The following FOXP2 variants were observed in gnomAD, a reference collection of about 807,000 sequenced individuals.
FOXP2 encodes forkhead box P2, also known as forkhead box protein P2.
In FOXP2, 12 loss-of-function variants were observed where a neutral mutation model predicts 115.8. The ratio of observed to expected loss-of-function variants is 0.10; its 90% confidence interval spans 0.07 to 0.17. The LOEUF is 0.17. Ranked by LOEUF, FOXP2 falls within the 10% of genes least tolerant of loss-of-function variation. FOXP2 has a pLI of 1.00. For missense variants in FOXP2, 629 were observed against 843.5 expected (o/e 0.75, Z 3.15); for synonymous variants, 328 against 297.7 (o/e 1.10, Z -1.05).
chr7:114,668,227 T>C (rs1371569076), intron 16 of FOXP2: 1 of 152,120 alleles, frequency 6.6e-6, no homozygotes, highest in Non-Finnish European at 1.5e-5. Flanking sequence ...TATGAATATA[T>C]ACCTGAGGTT....
chr7:114,532,593 T>G (rs1799192444), intron 2 of FOXP2, among the ~76,000 whole-genome samples: 1 of 151,890 alleles, frequency 6.6e-6, no homozygotes, highest in Admixed American at 6.6e-5. Flanking sequence ...TGTGCTAGAA[T>G]AAGGAGGTCA....
chr7:114,568,707 T>C (rs1801143104), intron 3 of FOXP2, among the ~76,000 whole-genome samples: 1 of 151,926 alleles, frequency 6.6e-6, no homozygotes, highest in Non-Finnish European at 1.5e-5. Context: ...TTTTGGCACC[T>C]GTATCCCTTA....
intron 2 of FOXP2, among the ~76,000 whole-genome samples, chr7:114,408,815 A>G (rs1339202612): frequency 6.6e-6 from 1 of 152,136 alleles, no homozygotes; most frequent in Non-Finnish European, 1.5e-5. Context: ...ATCATATTTT[A>G]AAGAAAGTAC....
chr7:114,138,881 G>GA (rs1792122393), intron 1 of FOXP2, among the ~76,000 whole-genome samples: 1 of 152,072 alleles, frequency 6.6e-6, no homozygotes, highest in Non-Finnish European at 1.5e-5. Flanking sequence ...TCTTGGAACA[G>GA]AAAAAGGGAC....
At chr7:114,430,909 C>T (rs1298235557) in intron 2 of FOXP2, among the ~76,000 whole-genome samples, 4 of 151,800 alleles carry the variant, frequency 2.6e-5, no homozygotes, top group Non-Finnish European at 5.9e-5. Flanking sequence ...GTAAAAGATC[C>T]ACAACAAAAT....
rs1339749972 is a variant in FOXP2 at position 114,434,407 on chromosome 7, G to A, written c.168+7728G>A. On this transcript the variant is annotated intron_variant, in intron 2 of 16. Transcript: ENST00000350908. Reference sequence around the variant, plus strand: ...TTTCAATAGTCCATTCATAATTTTAGTATATTTCTGACCTCACGGTTTAAT... The same window carrying A: ...TTTCAATAGTCCATTCATAATTTTAATATATTTCTGACCTCACGGTTTAAT... Among the ~76,000 whole-genome samples, 3 of 127,410 alleles carry A rather than the reference G, an allele frequency of 2.4e-5. No homozygotes were observed. The East Asian group carries it at 8.1e-4, about 34-fold the overall frequency. 83.6% of individuals were successfully genotyped at this position (127,410 alleles called of 152,430 possible).
At chr7:114,333,882 C>A (rs1344076591) in intron 2 of FOXP2, among the ~76,000 whole-genome samples, 2 of 147,862 alleles carry the variant, frequency 1.4e-5, no homozygotes, top group Admixed American at 7.0e-5. Flanking sequence ...AGTGAGACTC[C>A]ATCTCAATTA....
chr7:114,607,925 T>G (rs1440570055), intron 3 of FOXP2, among the ~76,000 whole-genome samples: 1 of 152,218 alleles, frequency 6.6e-6, no homozygotes, highest in East Asian at 1.9e-4. Flanking sequence ...CAATTTTTTA[T>G]CAATTATACA....
At position 114,127,091 on chromosome 7, in the gene FOXP2, G is replaced by A. The variant is rs138648648; in HGVS notation, c.-246-35853G>A. Among the ~76,000 whole-genome samples, 15 of 152,210 alleles carry A rather than the reference G, an allele frequency of 9.9e-5. No homozygotes were observed. The East Asian group carries it at 1.4e-3, about 14-fold the overall frequency. On this transcript the variant is annotated intron_variant, in intron 1 of 19. Coordinates refer to the FOXP2 transcript ENST00000635638. ...AAGACCTGTTTCATTCCAATCTCAC[G>A]TCGTTGTTGGCTGGATCCATTTCCT...
At chr7:114,628,920 A>C (rs1804741694) in intron 4 of FOXP2, 2 of 482,692 alleles carry the variant, frequency 4.1e-6, no homozygotes, top group South Asian at 4.5e-5. Flanking sequence ...TGAAAATGGA[A>C]TGAGCCAATA....
chr7:114,311,885 A>T (rs1438340066), intron 2 of FOXP2, among the ~76,000 whole-genome samples: 2 of 151,864 alleles, frequency 1.3e-5, no homozygotes, highest in Non-Finnish European at 2.9e-5. Context: ...GGGCCCTGGA[A>T]CCTCTTTTGT....
chr7:114,678,123 T>G (rs1807875185), intron 16 of FOXP2, among the ~76,000 whole-genome samples: 1 of 152,202 alleles, frequency 6.6e-6, no homozygotes, highest in Admixed American at 6.5e-5. Context: ...TAACGTGAAG[T>G]CAATTTTTAG....
At chr7:114,251,471 G>A (rs558987083) in intron 1 of FOXP2, among the ~76,000 whole-genome samples, 29 of 151,964 alleles carry the variant, frequency 1.9e-4, no homozygotes, top group East Asian at 7.7e-4. Context: ...CTTTTATTTC[G>A]TTGAGCAGTG....
chr7:114,566,581 A>T (rs1031080364), intron 3 of FOXP2, among the ~76,000 whole-genome samples: 1 of 152,062 alleles, frequency 6.6e-6, no homozygotes, highest in Admixed American at 6.6e-5. Flanking sequence ...TGAGGCCCTC[A>T]CCAGATGCAG....
Position 114,315,975 on chromosome 7 carries a change from G to A in FOXP2, c.-11+27866G>A, listed in dbSNP as rs78834993. ...AACCTTTTTACACTTAGGAACACTA[G>A]TCAACACTTCAGTACTACTTTTGGG... On this transcript the variant is annotated intron_variant, in intron 2 of 17. Coordinates refer to the FOXP2 transcript ENST00000634411. 6.8e-3 allele frequency among the ~76,000 whole-genome samples: 1,035 copies of A among 152,246 alleles called. 11 individuals carry two copies. Among genetic ancestry groups the A allele is most frequent in the African/African-American group, 0.024 (989 of 41,544 alleles).
At chr7:114,516,042 A>G (rs919965133) in intron 2 of FOXP2, among the ~76,000 whole-genome samples, 3 of 152,228 alleles carry the variant, frequency 2.0e-5, no homozygotes, top group Admixed American at 6.5e-5. Context: ...CTTTCTTCAC[A>G]GAATTGGAAA....
At chr7:114,497,923 AT>A (rs1797395577) in intron 2 of FOXP2, among the ~76,000 whole-genome samples, 1 of 152,122 alleles carries the variant, frequency 6.6e-6, no homozygotes, top group Admixed American at 6.5e-5. Flanking sequence ...TGAGATTCAG[AT>A]TAAAAAACTC....
At chr7:114,544,339 G>A (rs1799818092) in intron 3 of FOXP2, among the ~76,000 whole-genome samples, 1 of 151,966 alleles carries the variant, frequency 6.6e-6, no homozygotes, top group Non-Finnish European at 1.5e-5. Flanking sequence ...GAGAGCCTCT[G>A]TCTAAATCCA....
intron 16 of FOXP2, among the ~76,000 whole-genome samples, chr7:114,680,685 C>T (rs1808040332): frequency 6.6e-6 from 1 of 150,800 alleles, no homozygotes; most frequent in South Asian, 2.1e-4. Context: ...GCGGAGGTTG[C>T]AGTGAGCCGA....
Sources: allele counts gnomAD v4.1 joint callset (sites outside exome capture counted in the v4.1 genomes callset), GRCh38; gene constraint gnomAD v4.1.1; transcripts MANE v1.5; gene names NCBI Gene and HGNC (gene_info 2026-07-23, HGNC 2026-07-21).